NCKAP5: variants seen among roughly 807,000 people sequenced by gnomAD.
The protein encoded by NCKAP5 is nck-associated protein 5.
In NCKAP5, 92 loss-of-function variants were observed where a neutral mutation model predicts 167.0. That is an observed-to-expected ratio of 0.55 (90% confidence interval 0.47 to 0.66). NCKAP5 has a LOEUF of 0.66. NCKAP5 is among the 30% of genes least tolerant of loss of function. The pLI, the probability that NCKAP5 is intolerant of heterozygous loss-of-function variation, is 0.00. For missense variants in NCKAP5, 2,378 were observed against 2,315.0 expected (o/e 1.03, Z -0.56); for synonymous variants, 891 against 877.4 (o/e 1.02, Z -0.27).
the NCKAP5 span, among the ~76,000 whole-genome samples, chr2:133,633,461 C>T: frequency 6.6e-5 from 10 of 152,176 alleles, no homozygotes; most frequent in Non-Finnish European, 1.3e-4. Context: ...GAGAGTGTCT[C>T]GGAAGAGTCA....
Position 132,850,702 on chromosome 2 carries a change from G to A in NCKAP5, c.807+9790C>T, listed in dbSNP as rs376809565. Among the ~76,000 whole-genome samples, 10 of 152,128 alleles carry A rather than the reference G, an allele frequency of 6.6e-5. No individual in the cohort carries two copies. The East Asian group carries it at 9.7e-4, about 15-fold the overall frequency. On this transcript the variant is annotated intron_variant, in intron 11 of 19. Transcript: ENST00000409261. ...ACCTTAGTACAGCACATGTTAACCT[G>A]CTAGAACTGCAGGGACTACTTCTCC... is the stretch of plus-strand genomic sequence containing the variant.
At chr2:133,456,822 A>C (rs1291657628) in intron 3 of NCKAP5, among the ~76,000 whole-genome samples, 1 of 152,202 alleles carries the variant, frequency 6.6e-6, no homozygotes, top group African/African-American at 2.4e-5. Flanking sequence ...AAAGGAAAGT[A>C]AACTTTACCA....
chr2:133,076,021 A>C (rs1227040187), intron 6 of NCKAP5, among the ~76,000 whole-genome samples: 1 of 152,206 alleles, frequency 6.6e-6, no homozygotes, highest in Non-Finnish European at 1.5e-5. Context: ...ATACCATGTA[A>C]ATACTAATCA....
At chr2:132,840,276 A>AT (rs199908793) in intron 11 of NCKAP5, among the ~76,000 whole-genome samples, 9,730 of 135,132 alleles carry the variant, frequency 0.072, 473 homozygotes, top group African/African-American at 0.12. Flanking sequence ...ATTGCACAGC[A>AT]TTTTTTTTTT....
intron 3 of NCKAP5, among the ~76,000 whole-genome samples, chr2:133,481,439 A>AT (rs1218342462): frequency 5.3e-5 from 8 of 152,156 alleles, no homozygotes; most frequent in African/African-American, 1.9e-4. Flanking sequence ...AGCACAACAC[A>AT]TTTTTTAAGA....
chr2:133,174,659 C>G (rs1243349302), intron 5 of NCKAP5, among the ~76,000 whole-genome samples: 1 of 150,486 alleles, frequency 6.6e-6, no homozygotes, highest in Non-Finnish European at 1.5e-5. Flanking sequence ...ATTTGGGAGG[C>G]ATTTCCCTAT....
At chr2:133,627,010 T>C in the NCKAP5 span, among the ~76,000 whole-genome samples, 7 of 152,028 alleles carry the variant, frequency 4.6e-5, no homozygotes, top group Non-Finnish European at 8.8e-5. Context: ...ACTACATAGA[T>C]AAATAATTAT....
chr2:133,456,825 C>A lies in NCKAP5; in HGVS notation c.69+60633G>T, dbSNP rs574747926. 1.7e-3 allele frequency among the ~76,000 whole-genome samples: 256 copies of A among 152,256 alleles called. 1 individual carries two copies. The highest frequency in any genetic ancestry group is 5.9e-3 in the African/African-American group (246 of 41,552). On this transcript the variant is annotated intron_variant, in intron 3 of 19. Coordinates refer to ENST00000409261, the MANE Select transcript of NCKAP5 (RefSeq NM_207363.3). Reference sequence around the variant, plus strand: ...AGATACTTGGCCAAAGGAAAGTAAACTTTACCAGTCTAAGTAGTGTCAAAC... The same window carrying A: ...AGATACTTGGCCAAAGGAAAGTAAAATTTACCAGTCTAAGTAGTGTCAAAC...
chr2:133,485,792 G>A (rs1339854430), intron 3 of NCKAP5, among the ~76,000 whole-genome samples: 1 of 152,070 alleles, frequency 6.6e-6, no homozygotes, highest in Non-Finnish European at 1.5e-5. Flanking sequence ...GTGGGGAGGA[G>A]GGTGTCAGTC....
At chr2:133,103,548 C>A (rs1211665088) in intron 6 of NCKAP5, among the ~76,000 whole-genome samples, 5 of 152,148 alleles carry the variant, frequency 3.3e-5, no homozygotes, top group Non-Finnish European at 7.3e-5. Context: ...AACCTTAGCA[C>A]TTTGGGAGGC....
At chr2:133,004,775 C>T (rs2077902367) in intron 6 of NCKAP5, among the ~76,000 whole-genome samples, 1 of 152,132 alleles carries the variant, frequency 6.6e-6, no homozygotes, top group Admixed American at 6.5e-5. Context: ...ACCTAGCAAG[C>T]CTGAGGGCAC....
At chr2:133,475,216 A>T (rs530851360) in intron 3 of NCKAP5, among the ~76,000 whole-genome samples, 1 of 152,208 alleles carries the variant, frequency 6.6e-6, no homozygotes, top group Non-Finnish European at 1.5e-5. Flanking sequence ...CTGCAGGCTG[A>T]ATTCAGCCCA....
intron 5 of NCKAP5, among the ~76,000 whole-genome samples, chr2:133,161,645 A>AC (rs2083797762): frequency 6.6e-6 from 1 of 152,160 alleles, no homozygotes; most frequent in African/African-American, 2.4e-5. Flanking sequence ...TAGCCCTGCA[A>AC]CCCTTAGGTG....
At chr2:133,477,947 A>G (rs957269262) in intron 3 of NCKAP5, among the ~76,000 whole-genome samples, 5 of 152,208 alleles carry the variant, frequency 3.3e-5, no homozygotes, top group African/African-American at 4.8e-5. Flanking sequence ...TTTTCAGACC[A>G]TGGTTGATAG....
intron 9 of NCKAP5, among the ~76,000 whole-genome samples, chr2:132,878,405 C>A (rs1223334281): frequency 1.3e-5 from 2 of 152,100 alleles, no homozygotes; most frequent in Non-Finnish European, 2.9e-5. Context: ...TCCCCACCCA[C>A]TCTATCAAGG....
At chr2:133,215,044 A>G (rs969535568) in intron 4 of NCKAP5, among the ~76,000 whole-genome samples, 3 of 152,240 alleles carry the variant, frequency 2.0e-5, no homozygotes, top group African/African-American at 7.2e-5. Context: ...AAAGGCACAG[A>G]CTAGAAGAAG....
chr2:133,444,353 AAGATAGATAGATAGATAGATAGAT>A (rs3085736), intron 3 of NCKAP5, among the ~76,000 whole-genome samples: 16 of 147,804 alleles, frequency 1.1e-4, no homozygotes, highest in South Asian at 2.2e-4. Flanking sequence ...GACAAAAACA[AAGATAGATAGATAGATAGATAGAT>A]AGATAGATAG....
chr2:133,419,001 G>T (rs1285325551), intron 3 of NCKAP5, among the ~76,000 whole-genome samples: 1 of 152,166 alleles, frequency 6.6e-6, no homozygotes, highest in Non-Finnish European at 1.5e-5. Context: ...GATAAAGGCT[G>T]AGAGGTTGTG....
At chr2:132,985,173 T>A (rs2077254287) in intron 7 of NCKAP5, among the ~76,000 whole-genome samples, 1 of 152,092 alleles carries the variant, frequency 6.6e-6, no homozygotes, top group African/African-American at 2.4e-5. Context: ...ATTCTGCTTT[T>A]ACTTGGTTAA....
Sources: allele counts gnomAD v4.1 joint callset (sites outside exome capture counted in the v4.1 genomes callset), GRCh38; gene constraint gnomAD v4.1.1; transcripts MANE v1.5; gene names NCBI Gene and HGNC (gene_info 2026-07-23, HGNC 2026-07-21).